Variants in VSIG1 observed in about 807,000 individuals in gnomAD.
VSIG1 encodes the protein V-set and immunoglobulin domain-containing protein 1.
In VSIG1, 11 loss-of-function variants were observed where a neutral mutation model predicts 20.1. The observed-to-expected ratio is 0.55, with a 90% CI of 0.34 to 0.91. VSIG1 has a LOEUF of 0.91. Among genes scored for constraint, VSIG1 ranks in the 40% least tolerant of loss-of-function variants. The pLI is 0.02. For missense variants in VSIG1, 283 were observed against 298.8 expected (o/e 0.95, Z 0.39); for synonymous variants, 126 against 116.7 (o/e 1.08, Z -0.52).
intron 1 of VSIG1, among the ~76,000 whole-genome samples, chrX:108,051,637 A>G (rs939854986): frequency 1.8e-5 from 2 of 112,033 alleles, no homozygotes; most frequent in Non-Finnish European, 3.8e-5. Context: ...AACTTGACTG[A>G]GAAAAGGCAA....
At chrX:108,066,817 CTGG>C (rs1199039733) in intron 2 of VSIG1, 116 bp from the exon 3 acceptor site, 1 of 681,646 alleles carries the variant, frequency 1.5e-6, no homozygotes, top group Non-Finnish European at 2.2e-6. Flanking sequence ...GGACCTGTTC[CTGG>C]TGGGGGGAAG....
intron 2 of VSIG1, among the ~76,000 whole-genome samples, chrX:108,062,196 T>C (rs759125290): frequency 1.8e-5 from 2 of 111,300 alleles, no homozygotes; most frequent in Admixed American, 9.5e-5. Flanking sequence ...ATGCCTTGAC[T>C]CTGCTTAGCA....
chrX:108,066,037 A>G (rs2031118335), intron 2 of VSIG1, among the ~76,000 whole-genome samples: 1 of 111,577 alleles, frequency 9.0e-6, no homozygotes, highest in African/African-American at 3.3e-5. Flanking sequence ...TGACCCCTAG[A>G]CCAGGACCCT....
In VSIG1 at chrX:108,047,799, T is replaced by TATATATACACATATATATATAC. The variant is rs1555980243; in HGVS notation, c.49+2627_49+2628insCACATATATATATACATATATA. ...CTCTCTCTCTCTCTCTCTATATATATATATATATACATATATATATACATA... is the reference window on the plus strand; with the variant it reads ...CTCTCTCTCTCTCTCTCTATATATATATATATACACATATATATATACATATATATACATATATATATACATA... On this transcript the variant is annotated intron_variant, in intron 1 of 6. Transcript: ENST00000217957. 6.7e-4 allele frequency among the ~76,000 whole-genome samples: 46 copies of TATATATACACATATATATATAC among 68,544 alleles called. 2 individuals are homozygous for TATATATACACATATATATATAC. Among genetic ancestry groups the TATATATACACATATATATATAC allele is most frequent in the African/African-American group, 1.2e-3 (19 of 16,085 alleles). 59.5% of individuals were successfully genotyped at this position (68,544 alleles called of 115,157 possible).
chrX:108,074,447 C>T (rs1371327178), intron 5 of VSIG1, among the ~76,000 whole-genome samples: 1 of 111,581 alleles, frequency 9.0e-6, no homozygotes, highest in Non-Finnish European at 1.9e-5. Flanking sequence ...CCAGCACTGC[C>T]TTCCTCTCTC....
chrX:108,036,256 A>G, the VSIG1 span, among the ~76,000 whole-genome samples: 27 of 108,238 alleles, frequency 2.5e-4, 1 homozygote, highest in South Asian at 0.011. Context: ...CACTGCAGTT[A>G]TAGAAATAGA....
chrX:108,042,981 T>TAGAG (rs1202750016), upstream of VSIG1, among the ~76,000 whole-genome samples: 2 of 110,125 alleles, frequency 1.8e-5, no homozygotes, highest in African/African-American at 6.6e-5. Flanking sequence ...CTGGGAGGAA[T>TAGAG]AGAGGTGAAA....
At chrX:108,030,814 G>A in the VSIG1 span, among the ~76,000 whole-genome samples, 1 of 111,875 alleles carries the variant, frequency 8.9e-6, no homozygotes, top group South Asian at 3.8e-4. Flanking sequence ...GCTACTGTCA[G>A]GACAGTTCTT....
chrX:108,035,766 A>T, the VSIG1 span, among the ~76,000 whole-genome samples: 2 of 110,084 alleles, frequency 1.8e-5, no homozygotes, highest in African/African-American at 6.6e-5. Flanking sequence ...TTATCTTCCC[A>T]GCAAGAGCGT....
At chrX:108,047,875 T>TATATATATACACAC (rs1569287166) in intron 1 of VSIG1, among the ~76,000 whole-genome samples, 38 of 28,716 alleles carry the variant, frequency 1.3e-3, no homozygotes, top group African/African-American at 1.6e-3. Flanking sequence ...TATATACACA[T>TATATATATACACAC]ATATATATAT....
intron 3 of VSIG1, among the ~76,000 whole-genome samples, chrX:108,071,177 T>A (rs765838835): frequency 1.8e-5 from 2 of 111,050 alleles, no homozygotes; most frequent in Admixed American, 1.9e-4. Context: ...AACCACTGCG[T>A]CTCAGGTAAG....
At chrX:108,031,791 T>C in the VSIG1 span, among the ~76,000 whole-genome samples, 2 of 112,262 alleles carry the variant, frequency 1.8e-5, no homozygotes, top group South Asian at 7.4e-4. Flanking sequence ...TTAAAGTATG[T>C]CATCATTAAG....
rs1440907821 is a variant in VSIG1 at position 108,072,742 on chromosome X, T to C, written c.478T>C (p.Ser160Pro). 11 of 1,208,816 alleles carry C rather than the reference T, an allele frequency of 9.1e-6. No individual in the cohort carries two copies. Among genetic ancestry groups the C allele is most frequent in the Non-Finnish European group, 1.2e-5 (11 of 894,584 alleles). Residue 160 changes from serine (S) to proline (P), a missense_variant, in exon 4 of 7, where the codon TCC (serine) becomes CCC (proline). Transcript: ENST00000217957. The stretch of plus-strand genomic sequence containing the variant: ...AGAAACTGGCCACACTATTTCCCTT[T>C]CCTGTCTCTCTGCGCTTGGAACACC... ...RPETGHTISL[S>P]CLSALGTPSP... is the part of the protein sequence containing the mutation.
chrX:108,047,905 C>CATATATATATAT (rs1346791356), intron 1 of VSIG1, among the ~76,000 whole-genome samples: 2 of 20,954 alleles, frequency 9.5e-5, no homozygotes, highest in East Asian at 3.0e-3. Context: ...TATATATATA[C>CATATATATATAT]ACATATATAT....
chrX:108,051,101 A>C (rs1006198083), intron 1 of VSIG1, among the ~76,000 whole-genome samples: 2 of 111,286 alleles, frequency 1.8e-5, no homozygotes, highest in Non-Finnish European at 3.8e-5. Flanking sequence ...AACCCCACCA[A>C]CAACAGTGGA....
intron 1 of VSIG1, among the ~76,000 whole-genome samples, chrX:108,048,122 G>C (rs1223379935): frequency 9.7e-6 from 1 of 103,524 alleles, no homozygotes; most frequent in Non-Finnish European, 2.0e-5. Flanking sequence ...TACTGCCTCA[G>C]CCTCCTGAGT....
rs7888132 is a variant in VSIG1 at position 108,047,939 on chromosome X, T to C, written c.49+2760T>C. 3.6e-3 allele frequency among the ~76,000 whole-genome samples: 62 copies of C among 17,004 alleles called. 4 individuals are homozygous for C. The highest frequency in any genetic ancestry group is 0.014 in the African/African-American group (35 of 2,527). 14.8% of individuals were successfully genotyped at this position (17,004 alleles called of 115,157 possible). A position where few individuals can be genotyped will look rare whatever the true frequency, so the allele number is the denominator to read the frequency against. ...ATATACACATATATATATATACACA[T>C]ATATATATATATATACACACACATA... On this transcript the variant is annotated intron_variant, in intron 1 of 6. Transcript: ENST00000217957.
At chrX:108,023,253 T>G in the VSIG1 span, among the ~76,000 whole-genome samples, 1 of 111,956 alleles carries the variant, frequency 8.9e-6, no homozygotes, top group African/African-American at 3.2e-5. Flanking sequence ...TCTATTAATA[T>G]GGTGTATTAC....
chrX:108,078,025 T>C lies in VSIG1; in HGVS notation c.*644T>C, dbSNP rs913879936. The C allele has an allele frequency of 8.9e-6, 1 of 112,308 alleles. No individual in the cohort carries two copies. 9.3% of individuals were successfully genotyped at this position (112,308 alleles called of 1,213,427 possible). A position where few individuals can be genotyped will look rare whatever the true frequency, so the allele number is the denominator to read the frequency against. Reference sequence around the variant, plus strand: ...CCCGGCCTCTTTTTAGCTACTCTTATGTTCCACATGCACATATGACAAGGT... The same window carrying C: ...CCCGGCCTCTTTTTAGCTACTCTTACGTTCCACATGCACATATGACAAGGT... On this transcript the variant is annotated 3_prime_UTR_variant, in exon 7 of 7. Transcript: ENST00000217957.
Sources: gnomAD v4.1 joint callset for allele counts (sites outside exome capture counted in the v4.1 genomes callset) on GRCh38, gnomAD v4.1.1 for gene constraint, MANE v1.5 for transcripts, NCBI Gene and HGNC (gene_info 2026-07-23, HGNC 2026-07-21) for gene names.